Variants in LDLRAD3 observed in about 807,000 individuals in gnomAD.
The protein encoded by LDLRAD3 is low density lipoprotein receptor class A domain containing 3, also known as low-density lipoprotein receptor class A domain-containing protein 3.
Under a neutral mutation model 29.4 loss-of-function variants are expected in LDLRAD3, and 20 were observed. That is an observed-to-expected ratio of 0.68 (90% confidence interval 0.48 to 0.99). The LOEUF (loss-of-function observed/expected upper bound fraction) is 0.99, where lower values mean the gene tolerates loss of function less well. Among genes scored for constraint, LDLRAD3 ranks in the 50% least tolerant of loss-of-function variants. LDLRAD3 has a pLI of 0.00. For synonymous variants in LDLRAD3, 157 were observed against 192.7 expected (o/e 0.81, Z 1.53); for missense variants, 420 against 454.3 (o/e 0.92, Z 0.69).
intron 1 of LDLRAD3, among the ~76,000 whole-genome samples, chr11:36,022,969 T>C (rs887494206): frequency 6.6e-6 from 1 of 152,200 alleles, no homozygotes; most frequent in Non-Finnish European, 1.5e-5. Flanking sequence ...TTTCTAGATG[T>C]ACAAACATCA....
chr11:35,952,169 C>T (rs1413144611), intron 1 of LDLRAD3, among the ~76,000 whole-genome samples: 3 of 152,200 alleles, frequency 2.0e-5, no homozygotes, highest in South Asian at 2.1e-4. Context: ...AGTAACTTTC[C>T]TAAACCTTCG....
At chr11:36,153,876 CTA>C (rs1854309790) in intron 4 of LDLRAD3, among the ~76,000 whole-genome samples, 1 of 152,026 alleles carries the variant, frequency 6.6e-6, no homozygotes, top group South Asian at 2.1e-4. Flanking sequence ...CATCGATAGA[CTA>C]ACAAGAGGTA....
chr11:36,155,937 G>T (rs1235804785), intron 4 of LDLRAD3, among the ~76,000 whole-genome samples: 1 of 152,174 alleles, frequency 6.6e-6, no homozygotes, highest in Admixed American at 6.5e-5. Flanking sequence ...CACCTGCAGG[G>T]CTCTGTGGAG....
chr11:36,086,320 G>A (rs765122548), intron 3 of LDLRAD3, among the ~76,000 whole-genome samples: 1 of 152,046 alleles, frequency 6.6e-6, no homozygotes, highest in Non-Finnish European at 1.5e-5. Context: ...AAGAAATTTT[G>A]GATTATATTC....
At chr11:36,124,484 T>C (rs1221069126) in intron 4 of LDLRAD3, among the ~76,000 whole-genome samples, 2 of 152,158 alleles carry the variant, frequency 1.3e-5, no homozygotes, top group Admixed American at 6.5e-5. Context: ...GTCACACAGC[T>C]TGGGGTAGCC....
At chr11:35,982,765 C>T (rs1211525917) in intron 1 of LDLRAD3, among the ~76,000 whole-genome samples, 1 of 150,368 alleles carries the variant, frequency 6.7e-6, no homozygotes, top group East Asian at 2.0e-4. Context: ...CTTCTGAATT[C>T]ATTATACCCA....
At chr11:36,163,236 C>T (rs547288353) in intron 4 of LDLRAD3, 3 of 152,208 alleles carry the variant, frequency 2.0e-5, no homozygotes, top group Admixed American at 2.0e-4. Flanking sequence ...TAAGAACTTG[C>T]CTGTAATTGG....
chr11:36,030,704 G>T (rs1590215652), intron 1 of LDLRAD3, among the ~76,000 whole-genome samples: 1 of 152,206 alleles, frequency 6.6e-6, no homozygotes, highest in African/African-American at 2.4e-5. Flanking sequence ...GATCCAGATT[G>T]TCAGGAAGCA....
intron 1 of LDLRAD3, among the ~76,000 whole-genome samples, chr11:35,970,119 CATT>C (rs1851394066): frequency 6.6e-6 from 1 of 152,130 alleles, no homozygotes; most frequent in Non-Finnish European, 1.5e-5. Flanking sequence ...GCTTTTAGGT[CATT>C]ATTTAATCCT....
chr11:36,027,114 CT>C (rs1294502930), intron 1 of LDLRAD3, among the ~76,000 whole-genome samples: 1 of 152,180 alleles, frequency 6.6e-6, no homozygotes, highest in East Asian at 1.9e-4. Context: ...CCAAATTGCT[CT>C]TCAGATGTGC....
In LDLRAD3 at chr11:35,956,246, G is replaced by A. The variant is rs566422932; in HGVS notation, c.46+12102G>A. Reference sequence around the variant, plus strand: ...TCATGCCTGTAATTCCAGCTACTCCGGAGGCTGAGACAGGAGGATCGCTTG... The same window carrying A: ...TCATGCCTGTAATTCCAGCTACTCCAGAGGCTGAGACAGGAGGATCGCTTG... On this transcript the variant is annotated intron_variant, in intron 1 of 5. Coordinates refer to ENST00000315571, the MANE Select transcript of LDLRAD3 (RefSeq NM_174902.4). Among the ~76,000 whole-genome samples, 6 of 152,300 alleles carry A rather than the reference G, an allele frequency of 3.9e-5. No homozygotes were observed. The East Asian group carries it at 5.8e-4, about 15-fold the overall frequency.
intron 3 of LDLRAD3, among the ~76,000 whole-genome samples, chr11:36,098,088 T>G (rs76733262): frequency 0.017 from 2,520 of 152,292 alleles, 65 homozygotes; most frequent in Admixed American, 0.085. Flanking sequence ...TTAAGCAGAC[T>G]TACTTAACCA....
At chr11:36,071,530 C>CT (rs1852902797) in intron 2 of LDLRAD3, among the ~76,000 whole-genome samples, 1 of 152,144 alleles carries the variant, frequency 6.6e-6, no homozygotes, top group Non-Finnish European at 1.5e-5. Context: ...TAAAGTTACC[C>CT]TTAGCCATTA....
intron 4 of LDLRAD3, among the ~76,000 whole-genome samples, chr11:36,161,373 C>T (rs1854436872): frequency 2.6e-5 from 4 of 152,198 alleles, no homozygotes; most frequent in Non-Finnish European, 2.9e-5. Flanking sequence ...AAATCAGGCT[C>T]TGGCAACTGC....
At chr11:36,182,457 A>G (rs1054219974) in intron 4 of LDLRAD3, among the ~76,000 whole-genome samples, 2 of 152,180 alleles carry the variant, frequency 1.3e-5, no homozygotes, top group Non-Finnish European at 2.9e-5. Context: ...CCTTTGAGTG[A>G]CCTTCAGAAT....
Position 36,065,742 on chromosome 11 carries a change from G to A in LDLRAD3, c.194-15911G>A, listed in dbSNP as rs182971065. Among the ~76,000 whole-genome samples, 195 of 152,320 alleles carry A rather than the reference G, an allele frequency of 1.3e-3. 1 individual carries two copies. Among genetic ancestry groups the A allele is most frequent in the Non-Finnish European group, 1.8e-3 (125 of 68,022 alleles). The stretch of plus-strand genomic sequence containing the variant: ...ATCTGAATGGAAGTCTTCAGTTCCC[G>A]TGGGTGTTACAGTGGCTTATCTTCA... On this transcript the variant is annotated intron_variant, in intron 2 of 5. Transcript: ENST00000315571.
chr11:36,069,637 CTT>C (rs59493684), intron 2 of LDLRAD3, among the ~76,000 whole-genome samples: 185 of 144,852 alleles, frequency 1.3e-3, no homozygotes, highest in Admixed American at 1.5e-3. Flanking sequence ...AGAAATAGGG[CTT>C]TTTTTTTTTT....
chr11:36,129,926 T>A (rs76769851), intron 4 of LDLRAD3, among the ~76,000 whole-genome samples: 3,390 of 152,294 alleles, frequency 0.022, 120 homozygotes, highest in African/African-American at 0.078. Context: ...TTCTTGTTGT[T>A]TGCTAGTCTC....
intron 4 of LDLRAD3, among the ~76,000 whole-genome samples, chr11:36,143,719 C>A (rs1337892340): frequency 6.6e-6 from 1 of 152,212 alleles, no homozygotes; most frequent in Non-Finnish European, 1.5e-5. Flanking sequence ...CACAAGGTGT[C>A]AGCAGGTCTG....
Sources: allele counts gnomAD v4.1 joint callset (sites outside exome capture counted in the v4.1 genomes callset), GRCh38; gene constraint gnomAD v4.1.1; transcripts MANE v1.5; gene names NCBI Gene and HGNC (gene_info 2026-07-23, HGNC 2026-07-21).